Variants in DNAJC14 observed in about 807,000 individuals in gnomAD.
DNAJC14 encodes dnaJ homolog subfamily C member 14.
Under a neutral mutation model 68.8 loss-of-function variants are expected in DNAJC14, and 12 were observed. That is an observed-to-expected ratio of 0.17 (90% CI 0.11 to 0.28). The LOEUF (loss-of-function observed/expected upper bound fraction) is 0.28. Among genes scored for constraint, DNAJC14 ranks in the 10% least tolerant of loss-of-function variants. The pLI is 1.00. For missense variants in DNAJC14, 764 were observed against 875.6 expected, an observed-to-expected ratio of 0.87 and a Z score of 1.61; for synonymous variants, 350 against 321.5, an observed-to-expected ratio of 1.09 and a Z score of -0.95.
At chr12:55,823,562 T>C (rs1880724332) in intron 2 of DNAJC14, 54 bp from the exon 3 acceptor site, 1 of 1,486,664 alleles carries the variant, frequency 6.7e-7, no homozygotes, top group Non-Finnish European at 9.4e-7. Flanking sequence ...CTCCTCACCT[T>C]GAATTTATTC....
chr12:55,823,701 C>CTTTT (rs57733478), intron 2 of DNAJC14, among the ~76,000 whole-genome samples, 193 bp from the exon 3 acceptor site: 7 of 129,836 alleles, frequency 5.4e-5, no homozygotes, highest in African/African-American at 1.1e-4. Context: ...CCTTGAATAT[C>CTTTT]TTTTTTTTTT....
chr12:55,823,582 A>G, intron 2 of DNAJC14, 74 bp from the exon 3 acceptor site: 7 of 1,335,546 alleles, frequency 5.2e-6, no homozygotes, highest in Non-Finnish European at 6.4e-6. Flanking sequence ...CTCATATCAA[A>G]GGGTTCTCTT....
chr12:55,823,213 G>A (rs1423725884), intron 3 of DNAJC14, 24 bp from the exon 4 acceptor site: 2 of 1,613,840 alleles, frequency 1.2e-6, no homozygotes, highest in East Asian at 2.2e-5. Flanking sequence ...TGCTTTGTAA[G>A]TCAGAAGGTA....
chr12:55,827,649 A>C lies in DNAJC14; in HGVS notation c.1010T>G (p.Leu337Arg), dbSNP rs780849500. 2 of 1,612,736 alleles carry C rather than the reference A, an allele frequency of 1.2e-6. No individual in the cohort carries two copies. The highest frequency in any genetic ancestry group is 2.2e-5 in the South Asian group (2 of 90,928). Residue 337 changes from leucine (L) to arginine (R), a missense_variant, in exon 2 of 7, where the codon CTC becomes CGC. By Grantham distance (102) the Leu-to-Arg change is moderately radical. Around this residue, in one of 4 missense-constraint regions of DNAJC14, gnomAD observed 514 missense variants for 521.7 expected, o/e 0.99. Transcript: ENST00000678005. ...LGALLLLALA[L>R]FLGFLQLGWR... ...TCCCAACTGTAGAAAGCCCAAAAAG[A>C]GGGCCAGAGCCAGGAGCAGCAAAGC...
intron 2 of DNAJC14, among the ~76,000 whole-genome samples, chr12:55,825,130 CAAAAAAAAA>C (rs71074860): frequency 1.5e-5 from 1 of 65,498 alleles, no homozygotes; most frequent in Non-Finnish European, 3.0e-5. Context: ...GACCCTGTCT[CAAAAAAAAA>C]AAAAAAAAAA....
At position 55,822,677 on chromosome 12, in the gene DNAJC14, T is replaced by A. The variant is rs769499414; in HGVS notation, c.1690A>T (p.Arg564Trp). The change falls in exon 5 of 7, where the codon AGG becomes TGG. Residue 564 changes from arginine (R) to tryptophan (W), a missense_variant. Around this residue, in one of 4 missense-constraint regions of DNAJC14, gnomAD observed 6 missense variants for 28.9 expected, o/e 0.21. Coordinates refer to ENST00000678005, the MANE Select transcript of DNAJC14 (RefSeq NM_032364.6). ...TCTCCTTCCTCAGCAGGATGCAGCC[T>A]ATTACACTCAGCACAGTATCTGGCA... ...KSARYCAECN[R>W]LHPAEEGDFW... 6.2e-7 allele frequency: 1 copy of A among 1,614,164 alleles called. No individual in the cohort carries two copies. The highest frequency in any genetic ancestry group is 8.5e-7 in the Non-Finnish European group (1 of 1,180,024).
chr12:55,824,454 T>C (rs1480904822), intron 2 of DNAJC14, among the ~76,000 whole-genome samples: 1 of 152,094 alleles, frequency 6.6e-6, no homozygotes, highest in African/African-American at 2.4e-5. Context: ...CCCATCCCCA[T>C]TCCCCAAAAA....
Position 55,821,059 on chromosome 12 carries a change from T to TA in DNAJC14, c.*917dup, listed in dbSNP as rs150092729. Reference sequence around the variant, plus strand: ...ATGTACATACAAATATGAACAAACTTAAAAAAAAAATACAAACCCTTGGAT... The same window carrying TA: ...ATGTACATACAAATATGAACAAACTTAAAAAAAAAAATACAAACCCTTGGAT... On this transcript the variant is annotated 3_prime_UTR_variant, in exon 7 of 7. Transcript: ENST00000678005. 9.8e-4 allele frequency: 147 copies of TA among 150,688 alleles called. No individual in the cohort carries two copies. The highest frequency in any genetic ancestry group is 3.1e-3 in the African/African-American group (128 of 41,004). 9.3% of individuals were successfully genotyped at this position (150,688 alleles called of 1,614,324 possible).
chr12:55,829,016 A>T (rs1880886719), intron 1 of DNAJC14: 38 of 830,968 alleles, frequency 4.6e-5, no homozygotes, highest in Non-Finnish European at 5.3e-5. Context: ...TCTTAGGAAA[A>T]TGGGAAAGAC....
At chr12:55,823,247 A>G (rs533381445) in intron 3 of DNAJC14, 58 bp from the exon 4 acceptor site, 8 of 1,612,220 alleles carry the variant, frequency 5.0e-6, no homozygotes, top group African/African-American at 4.0e-5. Flanking sequence ...AAAGGAAGAC[A>G]TATCAGTTGG....
chr12:55,821,772 G>T lies in DNAJC14; in HGVS notation c.*205C>A. The T allele has an allele frequency of 2.5e-6, 1 of 404,486 alleles. No homozygotes were observed. The highest frequency in any genetic ancestry group is 4.2e-6 in the Non-Finnish European group (1 of 235,934). 25.1% of individuals were successfully genotyped at this position (404,486 alleles called of 1,614,324 possible). A position where few individuals can be genotyped will look rare whatever the true frequency, so the allele number is the denominator to read the frequency against. ...CTCAGGAGGCTGAGATGGGAGAATT[G>T]CTTGAACCCGGGAGACAGAGGTTGC... On this transcript the variant is annotated 3_prime_UTR_variant, in exon 7 of 7. Transcript: ENST00000678005.
At chr12:55,830,056 G>A (rs1449330960), upstream of DNAJC14, 1 of 152,196 alleles carries the variant, frequency 6.6e-6, no homozygotes, top group African/African-American at 2.4e-5. Flanking sequence ...GTGCGGAGGT[G>A]GAGCAGAGGA....
At position 55,827,838 on chromosome 12, in the gene DNAJC14, T is replaced by C. The variant is rs763972275; in HGVS notation, c.821A>G (p.Tyr274Cys). The C allele has an allele frequency of 3.1e-5, 50 of 1,613,856 alleles. No homozygotes were observed. In the East Asian group the frequency reaches 3.1e-4, roughly 10 times the overall value. Reference sequence around the variant, plus strand: ...ACTGCTTTTCAGTTGCCTGCAGGCATAGATGAGATGGCCACAAGTTTCTAC... The same window carrying C: ...ACTGCTTTTCAGTTGCCTGCAGGCACAGATGAGATGGCCACAAGTTTCTAC... ...EYVETCGHLI[Y>C]ACRQLKSSDL... The change falls in exon 2 of 7, where the codon TAT (tyrosine) becomes TGT (cysteine). Residue 274 changes from tyrosine to cysteine, a missense_variant. By Grantham distance (194) the Tyr-to-Cys change is radical (BLOSUM62 -2). Around this residue, in one of 4 missense-constraint regions of DNAJC14, gnomAD observed 514 missense variants for 521.7 expected, o/e 0.99. Coordinates refer to ENST00000678005, the MANE Select transcript of DNAJC14 (RefSeq NM_032364.6).
Position 55,823,101 on chromosome 12 carries a change from T to C in DNAJC14, c.1603A>G (p.Met535Val). Residue 535 changes from methionine to valine, a missense_variant, in exon 4 of 7, where the codon ATG (methionine) becomes GTG (valine). Transcript: ENST00000678005. ...TTTCCTTGGCATCGGCTACACATCA[T>C]AGTATTCATTGCCTCCTTGAGGTCA... is the stretch of plus-strand genomic sequence containing the variant. Reference protein sequence around the residue: ...QDDLKEAMNTMMCSRCQGKHR... With the variant: ...QDDLKEAMNTVMCSRCQGKHR... 6.2e-7 allele frequency: 1 copy of C among 1,614,176 alleles called. No individual in the cohort carries two copies. The highest frequency in any genetic ancestry group is 8.5e-7 in the Non-Finnish European group (1 of 1,180,038).
chr12:55,827,630 C>T lies in DNAJC14; in HGVS notation c.1029G>A (p.Gln343=), dbSNP rs758039654. Residue 343 remains glutamine (Q), a synonymous_variant, in exon 2 of 7, where the codon CAG becomes CAA. Transcript: ENST00000678005. ...GTCCCACCAGAAACCGCCATCCCAA[C>T]TGTAGAAAGCCCAAAAAGAGGGCCA... ...LALALFLGFL[Q]LGWRFLVGLG... 7 of 1,611,338 alleles carry T rather than the reference C, an allele frequency of 4.3e-6. No homozygotes were observed. The highest frequency in any genetic ancestry group is 5.9e-6 in the Non-Finnish European group (7 of 1,178,612).
At position 55,822,205 on chromosome 12, in the gene DNAJC14, A is replaced by G. The variant is rs1311460384; in HGVS notation, c.1899-18T>C. ...GGGTGGCTCTGAGGTAAAACAGAAG[A>G]AATAAGGCAAGAGATGTTAGAGTCA... is the stretch of plus-strand genomic sequence containing the variant. On this transcript the variant is annotated intron_variant, in intron 6 of 6. Transcript: ENST00000678005. 4 of 1,562,102 alleles carry G rather than the reference A, an allele frequency of 2.6e-6. No individual in the cohort carries two copies. The South Asian group carries it at 4.8e-5, about 19-fold the overall frequency.
In DNAJC14 at chr12:55,828,616, GGGCT is replaced by G; in HGVS notation, c.39_42del (p.Ala14ThrfsTer11). 6.2e-7 allele frequency: 1 copy of G among 1,614,074 alleles called. No homozygotes were observed. Among genetic ancestry groups the G allele is most frequent in the Non-Finnish European group, 8.5e-7 (1 of 1,179,994 alleles). On this transcript the variant is annotated frameshift_variant, in exon 2 of 7. Transcript: ENST00000678005. LOFTEE classifies it high-confidence loss of function. ...CTGAGGGAGGCACCACCACTGTGGT[GGGCT>G]CCATACAACCCTCTTTCTCCGGGGT...
At chr12:55,824,776 A>G (rs1880750384) in intron 2 of DNAJC14, among the ~76,000 whole-genome samples, 1 of 152,174 alleles carries the variant, frequency 6.6e-6, no homozygotes, top group Non-Finnish European at 1.5e-5. Flanking sequence ...AAAGTGAGAA[A>G]AGAGCTCTAC....
rs778176603 is a variant in DNAJC14 at position 55,827,770 on chromosome 12, G to A, written c.889C>T (p.Arg297Trp). ...ATGACCTGGGCCCAGCCCCCTAACC[G>A]CCCTGTCCACACTCCCATCCAAACT... The part of the protein sequence containing the change: ...FRVWMGVWTG[R>W]LGGWAQVMFQ... Residue 297 changes from arginine (R) to tryptophan (W), a missense_variant, in exon 2 of 7, where the codon CGG (arginine) becomes TGG (tryptophan). Transcript: ENST00000678005. 13 of 1,613,614 alleles carry A rather than the reference G, an allele frequency of 8.1e-6. No individual in the cohort carries two copies. Among genetic ancestry groups the A allele is most frequent in the South Asian group, 2.2e-5 (2 of 91,036 alleles).
Sources: gnomAD v4.1 joint callset for allele counts (sites outside exome capture counted in the v4.1 genomes callset) on GRCh38, gnomAD v4.1.1 for gene constraint, gnomAD v4.1.1 regional missense constraint, MANE v1.5 for transcripts, NCBI Gene and HGNC (gene_info 2026-07-23, HGNC 2026-07-21) for gene names.